MEGF11: variants seen among roughly 807,000 people sequenced by gnomAD.
MEGF11 encodes multiple EGF like domains 11, also known as multiple epidermal growth factor-like domains protein 11.
Under a neutral mutation model 146.6 loss-of-function variants are expected in MEGF11, and 126 were observed. The observed-to-expected ratio is 0.86, with a 90% confidence interval of 0.74 to 1.00. MEGF11 has a LOEUF of 1.00. Among genes scored for constraint, MEGF11 ranks in the 50% least tolerant of loss-of-function variants. The pLI, the probability that MEGF11 is intolerant of heterozygous loss-of-function variation, is 0.00. For synonymous variants in MEGF11, 532 were observed against 583.4 expected, an observed-to-expected ratio of 0.91 and a Z score of 1.27; for missense variants, 1,509 against 1,521.2, an observed-to-expected ratio of 0.99 and a Z score of 0.13.
At chr15:66,211,396 C>T (rs540034091) in intron 1 of MEGF11, among the ~76,000 whole-genome samples, 15 of 152,122 alleles carry the variant, frequency 9.9e-5, no homozygotes, top group Admixed American at 2.6e-4. Context: ...TGGTGGCAGG[C>T]ACCTGTAGTC....
chr15:66,103,664 G>A (rs140599397), intron 4 of MEGF11, among the ~76,000 whole-genome samples: 133 of 152,312 alleles, frequency 8.7e-4, no homozygotes, highest in African/African-American at 3.0e-3. Flanking sequence ...GGTGGGGGTG[G>A]TCAGGGGCTG....
intron 1 of MEGF11, among the ~76,000 whole-genome samples, chr15:66,238,044 T>C (rs1174542245): frequency 6.6e-6 from 1 of 152,222 alleles, no homozygotes; most frequent in Non-Finnish European, 1.5e-5. Flanking sequence ...GCAGTGGTGG[T>C]AAATCACAGC....
At chr15:66,019,516 CT>C (rs2083023774) in intron 5 of MEGF11, among the ~76,000 whole-genome samples, 1 of 152,244 alleles carries the variant, frequency 6.6e-6, no homozygotes, top group South Asian at 2.1e-4. Flanking sequence ...CCTCCCTCCC[CT>C]GGGGGCAGCA....
At chr15:66,026,872 G>C (rs1308011752) in intron 5 of MEGF11, among the ~76,000 whole-genome samples, 1 of 152,220 alleles carries the variant, frequency 6.6e-6, no homozygotes, top group Non-Finnish European at 1.5e-5. Flanking sequence ...TGTAAAACAG[G>C]TATGCTCTTA....
chr15:66,091,542 A>T (rs774164029), intron 5 of MEGF11, among the ~76,000 whole-genome samples: 1 of 152,192 alleles, frequency 6.6e-6, no homozygotes, highest in Non-Finnish European at 1.5e-5. Flanking sequence ...ATAGTCCCAG[A>T]CTTACCATCA....
intron 1 of MEGF11, among the ~76,000 whole-genome samples, chr15:66,250,383 A>G (rs1385609069): frequency 6.6e-6 from 1 of 152,138 alleles, no homozygotes; most frequent in East Asian, 1.9e-4. Flanking sequence ...TTCTTCAGAC[A>G]TTGTTGTGTA....
chr15:66,225,687 T>C (rs947751027), intron 1 of MEGF11, among the ~76,000 whole-genome samples: 1 of 151,932 alleles, frequency 6.6e-6, no homozygotes, highest in Admixed American at 6.6e-5. Flanking sequence ...TATACAATCA[T>C]AGACACATGC....
intron 9 of MEGF11, among the ~76,000 whole-genome samples, chr15:65,959,064 C>T (rs1217790208): frequency 6.6e-6 from 1 of 152,144 alleles, no homozygotes; most frequent in African/African-American, 2.4e-5. Context: ...TATTCACTGC[C>T]CTGGTGAATA....
intron 1 of MEGF11, among the ~76,000 whole-genome samples, chr15:66,164,705 C>T (rs1302711564): frequency 6.6e-6 from 1 of 152,194 alleles, no homozygotes; most frequent in Non-Finnish European, 1.5e-5. Flanking sequence ...AATTACCATG[C>T]TACCTTTCTG....
chr15:65,951,556 A>G (rs1596893077), intron 10 of MEGF11, among the ~76,000 whole-genome samples: 1 of 152,188 alleles, frequency 6.6e-6, no homozygotes, highest in South Asian at 2.1e-4. Flanking sequence ...ATGTGTTGGC[A>G]CATGCCTGTA....
At chr15:66,105,576 G>A (rs553875765) in intron 4 of MEGF11, among the ~76,000 whole-genome samples, 5 of 152,252 alleles carry the variant, frequency 3.3e-5, no homozygotes, top group African/African-American at 1.2e-4. Context: ...AGGTCTGTCT[G>A]GTGACTTTAT....
chr15:66,202,129 A>G (rs1387435256), intron 1 of MEGF11, among the ~76,000 whole-genome samples: 1 of 140,616 alleles, frequency 7.1e-6, no homozygotes, highest in Non-Finnish European at 1.6e-5. Context: ...GCGTGCATGC[A>G]CACACACACA....
At chr15:66,110,958 C>G (rs1433126192) in intron 4 of MEGF11, among the ~76,000 whole-genome samples, 1 of 152,154 alleles carries the variant, frequency 6.6e-6, no homozygotes, top group Non-Finnish European at 1.5e-5. Context: ...AACCTCCTCC[C>G]CTGCCCTCTT....
At chr15:66,186,224 G>T (rs984366667) in intron 1 of MEGF11, among the ~76,000 whole-genome samples, 1 of 152,220 alleles carries the variant, frequency 6.6e-6, no homozygotes, top group Non-Finnish European at 1.5e-5. Flanking sequence ...GAAGCAGAGA[G>T]GGTGACTCAT....
Position 65,929,745 on chromosome 15 carries a change from C to T in MEGF11, c.1547G>A (p.Gly516Glu), listed in dbSNP as rs1171758997. The T allele has an allele frequency of 6.4e-7, 1 of 1,552,324 alleles. No homozygotes were observed. Among genetic ancestry groups the T allele is most frequent in the East Asian group, 2.4e-5 (1 of 40,936 alleles). ...GSCSCTPGWL[G>E]DTCELPCPDG... The stretch of plus-strand genomic sequence containing the variant: ...CGGGCAAGGCAGCTCACAGGTGTCT[C>T]CCAGCCAGCCAGGAGTGCAGGAGCA... The change falls in exon 12 of 26, where the codon GGA (glycine) becomes GAA (glutamate). Residue 516 changes from glycine to glutamate, a missense_variant. Gly to Glu is a moderately conservative substitution (Grantham distance 98). Coordinates refer to ENST00000395614, the MANE Select transcript of MEGF11 (RefSeq NM_001385028.1).
intron 1 of MEGF11, among the ~76,000 whole-genome samples, chr15:66,160,480 C>G (rs529252859): frequency 2.0e-5 from 3 of 152,240 alleles, no homozygotes; most frequent in African/African-American, 7.2e-5. Context: ...AATAAATACT[C>G]CCATTGGTTT....
chr15:66,175,606 C>G (rs1051877943), intron 1 of MEGF11, among the ~76,000 whole-genome samples: 2 of 152,172 alleles, frequency 1.3e-5, no homozygotes, highest in African/African-American at 4.8e-5. Flanking sequence ...ACTAGGGAAA[C>G]TAGATATCCA....
rs376471998 is a variant in MEGF11, at chr15:66,098,510, C to T, written c.302-4016G>A. On this transcript the variant is annotated intron_variant, in intron 4 of 25. Coordinates refer to ENST00000395614, the MANE Select transcript of MEGF11 (RefSeq NM_001385028.1). Reference sequence around the variant, plus strand: ...AGGATAAATAAAGACAACTTCCACGCCCCCTGGCCAACTAGCCTGACATTC... The same window carrying T: ...AGGATAAATAAAGACAACTTCCACGTCCCCTGGCCAACTAGCCTGACATTC... 7.0e-4 allele frequency among the ~76,000 whole-genome samples: 106 copies of T among 152,304 alleles called. 1 individual carries two copies. The Middle Eastern group carries it at 0.014, about 20-fold the overall frequency.
At chr15:65,898,483 C>T (rs993012878) in intron 25 of MEGF11, 3 of 985,246 alleles carry the variant, frequency 3.0e-6, no homozygotes, top group East Asian at 2.3e-4. Flanking sequence ...GTGCCCATTT[C>T]CCACCCCCAG....
Sources: allele counts gnomAD v4.1 joint callset (sites outside exome capture counted in the v4.1 genomes callset), GRCh38; gene constraint gnomAD v4.1.1; transcripts MANE v1.5; gene names NCBI Gene and HGNC (gene_info 2026-07-23, HGNC 2026-07-21).